LRFN5: variants seen among roughly 807,000 people sequenced by gnomAD.
The protein encoded by LRFN5 is leucine rich repeat and fibronectin type III domain containing 5.
In LRFN5, 24 loss-of-function variants were observed where a neutral mutation model predicts 45.6. The observed-to-expected ratio is 0.53, with a 90% CI of 0.38 to 0.74. LRFN5 has a LOEUF of 0.74. Among genes scored for constraint, LRFN5 ranks in the 30% least tolerant of loss-of-function variants. LRFN5 has a pLI of 0.00. For synonymous variants in LRFN5, 340 were observed against 313.8 expected (o/e 1.08, Z -0.88); for missense variants, 776 against 861.5 (o/e 0.90, Z 1.24).
chr14:41,894,970 A>G (rs1890892197), intron 4 of LRFN5: 3 of 974,024 alleles, frequency 3.1e-6, no homozygotes, highest in Non-Finnish European at 3.7e-6. Flanking sequence ...TTATATATAC[A>G]TATATATTAT....
chr14:41,741,104 T>C (rs1285492680), intron 1 of LRFN5, among the ~76,000 whole-genome samples: 1 of 151,652 alleles, frequency 6.6e-6, no homozygotes, highest in African/African-American at 2.4e-5. Context: ...CTCATGTTCA[T>C]AGGTTGAAAA....
chr14:41,851,443 T>A (rs775048018), intron 2 of LRFN5, among the ~76,000 whole-genome samples: 2 of 151,858 alleles, frequency 1.3e-5, no homozygotes, highest in Non-Finnish European at 2.9e-5. Flanking sequence ...AGCTTTTGAT[T>A]ATGTTACATA....
At chr14:41,648,036 A>G (rs1187021316) in intron 1 of LRFN5, among the ~76,000 whole-genome samples, 2 of 152,196 alleles carry the variant, frequency 1.3e-5, no homozygotes, top group East Asian at 1.9e-4. Context: ...ATCTACATCT[A>G]TATCTTTTTA....
chr14:41,725,450 T>G (rs780155388), intron 1 of LRFN5, among the ~76,000 whole-genome samples: 2 of 152,196 alleles, frequency 1.3e-5, no homozygotes, highest in Non-Finnish European at 2.9e-5. Context: ...AGATATCTTC[T>G]TGTCTCTTCT....
intron 1 of LRFN5, among the ~76,000 whole-genome samples, chr14:41,751,819 T>C (rs1885146699): frequency 6.6e-6 from 1 of 152,150 alleles, no homozygotes; most frequent in African/African-American, 2.4e-5. Flanking sequence ...AATGTGCAGG[T>C]TTGTTACATA....
At chr14:41,814,153 C>G (rs1233945575) in intron 2 of LRFN5, among the ~76,000 whole-genome samples, 1 of 152,136 alleles carries the variant, frequency 6.6e-6, no homozygotes, top group Non-Finnish European at 1.5e-5. Flanking sequence ...TGTGCAGAAG[C>G]TCTTCAGTTC....
chr14:41,768,417 A>C (rs1285387958), intron 2 of LRFN5, among the ~76,000 whole-genome samples: 1 of 152,076 alleles, frequency 6.6e-6, no homozygotes, highest in African/African-American at 2.4e-5. Context: ...TTCATTCCAA[A>C]CATGATTTTA....
At chr14:41,639,926 A>G (rs926032869) in intron 1 of LRFN5, among the ~76,000 whole-genome samples, 2 of 145,928 alleles carry the variant, frequency 1.4e-5, no homozygotes, top group African/African-American at 2.5e-5. Flanking sequence ...GGGACTACAG[A>G]TGGATGCCAA....
intron 1 of LRFN5, among the ~76,000 whole-genome samples, chr14:41,675,590 G>A (rs933756195): frequency 4.6e-5 from 7 of 152,154 alleles, no homozygotes; most frequent in Non-Finnish European, 7.3e-5. Context: ...GAGGGAGACC[G>A]TGGAAAGAGG....
Position 41,872,447 on chromosome 14 carries a change from G to T in LRFN5, c.-20-14159G>T, listed in dbSNP as rs1260246284. Reference sequence around the variant, plus strand: ...ATCACACTGTAACCAATTGAAATTAGTTTGGCTATAAATAACAGACTTTTC... The same window carrying T: ...ATCACACTGTAACCAATTGAAATTATTTTGGCTATAAATAACAGACTTTTC... On this transcript the variant is annotated intron_variant, in intron 2 of 5. Transcript: ENST00000298119. Among the ~76,000 whole-genome samples, 3 of 152,100 alleles carry T rather than the reference G, an allele frequency of 2.0e-5. No individual in the cohort carries two copies. The East Asian group carries it at 5.8e-4, about 29-fold the overall frequency.
At chr14:41,706,854 T>C (rs1883087811) in intron 1 of LRFN5, among the ~76,000 whole-genome samples, 1 of 152,202 alleles carries the variant, frequency 6.6e-6, no homozygotes, top group Non-Finnish European at 1.5e-5. Flanking sequence ...ATCTAGATGT[T>C]AGCAGTGCCT....
chr14:41,827,108 A>G (rs1888325728), intron 2 of LRFN5, among the ~76,000 whole-genome samples: 1 of 152,116 alleles, frequency 6.6e-6, no homozygotes, highest in Non-Finnish European at 1.5e-5. Flanking sequence ...AGAACAAATT[A>G]CCTATACCTG....
intron 1 of LRFN5, among the ~76,000 whole-genome samples, chr14:41,748,173 T>C (rs953554286): frequency 2.6e-5 from 4 of 152,058 alleles, no homozygotes; most frequent in African/African-American, 9.7e-5. Flanking sequence ...CTTTGGGGTA[T>C]AGAAGTGGAA....
intron 2 of LRFN5, among the ~76,000 whole-genome samples, chr14:41,844,169 G>A (rs1276303977): frequency 6.6e-6 from 1 of 152,212 alleles, no homozygotes; most frequent in Admixed American, 6.5e-5. Flanking sequence ...CGGGTGCAGT[G>A]GCTCACGCCT....
chr14:41,608,650 TTA>T (rs1887603047), intron 1 of LRFN5, 88 bp downstream of exon 1: 1 of 152,772 alleles, frequency 6.5e-6, no homozygotes, highest in African/African-American at 2.4e-5. Flanking sequence ...ACTTTACTTA[TTA>T]ATGTTTTGAA....
intron 1 of LRFN5, among the ~76,000 whole-genome samples, chr14:41,693,126 T>G (rs991494673): frequency 2.4e-4 from 36 of 152,250 alleles, no homozygotes; most frequent in Non-Finnish European, 3.4e-4. Context: ...TATACAATCT[T>G]GATTATTTAA....
At chr14:41,735,555 G>A (rs2138806024) in intron 1 of LRFN5, among the ~76,000 whole-genome samples, 1 of 152,160 alleles carries the variant, frequency 6.6e-6, no homozygotes, top group African/African-American at 2.4e-5. Flanking sequence ...TATAGGTATA[G>A]GCCAATGCAC....
intron 2 of LRFN5, among the ~76,000 whole-genome samples, chr14:41,847,569 C>T (rs1889112786): frequency 6.6e-6 from 1 of 151,960 alleles, no homozygotes. Flanking sequence ...ACAAATAATA[C>T]TTTTGATTAT....
At chr14:41,852,470 T>C (rs541442867) in intron 2 of LRFN5, among the ~76,000 whole-genome samples, 80 of 152,052 alleles carry the variant, frequency 5.3e-4, no homozygotes, top group African/African-American at 1.6e-3. Context: ...TTGTTCTCTT[T>C]CCTTGATCTA....
Sources: gnomAD v4.1 joint callset for allele counts (sites outside exome capture counted in the v4.1 genomes callset) on GRCh38, gnomAD v4.1.1 for gene constraint, MANE v1.5 for transcripts, NCBI Gene and HGNC (gene_info 2026-07-23, HGNC 2026-07-21) for gene names.